The following RBMS3 variants were observed in gnomAD, a reference collection of about 807,000 sequenced individuals.
RBMS3 encodes RNA-binding motif, single-stranded-interacting protein 3.
RBMS3 carries 27 observed loss-of-function variants against 66.8 expected under a neutral mutation model. That is an observed-to-expected ratio of 0.40 (90% confidence interval 0.30 to 0.56). The LOEUF (loss-of-function observed/expected upper bound fraction) is 0.56. RBMS3 is among the 20% of genes least tolerant of loss of function. The pLI, the probability that RBMS3 is intolerant of heterozygous loss-of-function variation, is 0.40. For synonymous variants in RBMS3, 188 were observed against 183.0 expected, an observed-to-expected ratio of 1.03 and a Z score of -0.22; for missense variants, 513 against 549.5, an observed-to-expected ratio of 0.93 and a Z score of 0.66.
At chr3:29,462,641 C>A (rs1444127996) in intron 2 of RBMS3, among the ~76,000 whole-genome samples, 1 of 152,048 alleles carries the variant, frequency 6.6e-6, no homozygotes, top group East Asian at 1.9e-4. Context: ...CTTACTTTAC[C>A]CCTGTTTCTC....
At chr3:29,378,502 A>C (rs986742130) in intron 1 of RBMS3, among the ~76,000 whole-genome samples, 3 of 144,820 alleles carry the variant, frequency 2.1e-5, no homozygotes, top group Non-Finnish European at 4.7e-5. Context: ...AAAAAAACAA[A>C]AAACAACTGT....
chr3:29,565,194 T>G (rs766038977), intron 3 of RBMS3, among the ~76,000 whole-genome samples: 1 of 152,306 alleles, frequency 6.6e-6, no homozygotes, highest in East Asian at 1.9e-4. Context: ...GTTCCAAACG[T>G]TTATCTTGTA....
intron 2 of RBMS3, among the ~76,000 whole-genome samples, chr3:29,472,963 T>C (rs1468120647): frequency 1.9e-5 from 2 of 103,996 alleles, no homozygotes; most frequent in Non-Finnish European, 3.9e-5. Flanking sequence ...GACAGGGCGC[T>C]GATTGGTGTG....
intron 1 of RBMS3, among the ~76,000 whole-genome samples, chr3:29,420,620 C>T (rs2040674960): frequency 6.8e-6 from 1 of 147,996 alleles, no homozygotes; most frequent in Non-Finnish European, 1.5e-5. Flanking sequence ...AGGGCTTTTC[C>T]CTTGTTTTTT....
chr3:29,937,667 T>G (rs1023621009), intron 11 of RBMS3, among the ~76,000 whole-genome samples: 2 of 152,002 alleles, frequency 1.3e-5, no homozygotes, highest in African/African-American at 2.4e-5. Context: ...TCAAATGATC[T>G]CTTAGGTTTC....
At position 29,868,974 on chromosome 3, in the gene RBMS3, G is replaced by A. The variant is rs1342777117; in HGVS notation, c.744+10G>A. 14 of 1,572,470 alleles carry A rather than the reference G, an allele frequency of 8.9e-6. No individual in the cohort carries two copies. The highest frequency in any genetic ancestry group is 1.2e-5 in the Non-Finnish European group (14 of 1,157,872). ...GCCCAGGGAAGGAGAGGTGAGTCCT[G>A]ACTGATAACATTTGCTCTGAAATTT... On this transcript the variant is annotated intron_variant, in intron 7 of 14. Transcript: ENST00000383767.
intron 1 of RBMS3, among the ~76,000 whole-genome samples, chr3:29,292,943 T>C (rs1489117126): frequency 6.6e-6 from 1 of 151,864 alleles, no homozygotes; most frequent in Non-Finnish European, 1.5e-5. Context: ...CATAATTTGA[T>C]GTGGAGGGGT....
intron 3 of RBMS3, among the ~76,000 whole-genome samples, chr3:29,496,760 A>C (rs1047381880): frequency 1.3e-5 from 2 of 152,222 alleles, no homozygotes; most frequent in Non-Finnish European, 2.9e-5. Flanking sequence ...ATGTAAAACA[A>C]AATAGGTATT....
intron 1 of RBMS3, among the ~76,000 whole-genome samples, chr3:29,409,333 C>G (rs2040166963): frequency 2.0e-5 from 1 of 49,498 alleles, no homozygotes; most frequent in South Asian, 1.1e-3. Context: ...TCTACCTGGA[C>G]TCTTTTTTCA....
At chr3:29,705,596 T>A (rs943635398) in intron 4 of RBMS3, among the ~76,000 whole-genome samples, 1 of 152,190 alleles carries the variant, frequency 6.6e-6, no homozygotes, top group African/African-American at 2.4e-5. Context: ...TTATAGTTTA[T>A]TGATTTTACT....
intron 12 of RBMS3, among the ~76,000 whole-genome samples, chr3:29,956,657 T>G (rs1046674024): frequency 2.0e-5 from 3 of 152,148 alleles, no homozygotes; most frequent in East Asian, 3.9e-4. Flanking sequence ...AATTTAAAAG[T>G]ATCTCTTCCA....
At chr3:29,439,501 G>A (rs2041531389) in intron 2 of RBMS3, among the ~76,000 whole-genome samples, 1 of 151,922 alleles carries the variant, frequency 6.6e-6, no homozygotes, top group Non-Finnish European at 1.5e-5. Flanking sequence ...TAAAAAGCAG[G>A]GACATGGGAA....
intron 1 of RBMS3, among the ~76,000 whole-genome samples, chr3:29,425,268 G>A (rs536056181): frequency 1.6e-4 from 24 of 150,426 alleles, no homozygotes; most frequent in African/African-American, 5.4e-4. Flanking sequence ...CAGCTAGTTG[G>A]GAGGCTGAGT....
intron 1 of RBMS3, among the ~76,000 whole-genome samples, chr3:29,292,215 A>T (rs898604069): frequency 6.6e-6 from 1 of 151,770 alleles, no homozygotes; most frequent in Admixed American, 6.6e-5. Context: ...ACAACAACAC[A>T]CACGCACACA....
intron 6 of RBMS3, among the ~76,000 whole-genome samples, chr3:29,768,467 A>G (rs2083488): frequency 0.22 from 32,671 of 151,814 alleles, 3,655 homozygotes; most frequent in Middle Eastern, 0.27. Context: ...TTCATCTTCA[A>G]AAGAATAGAA....
chr3:29,626,354 G>A (rs1218441766), intron 4 of RBMS3, among the ~76,000 whole-genome samples: 1 of 152,108 alleles, frequency 6.6e-6, no homozygotes, highest in African/African-American at 2.4e-5. Context: ...AAAAAGTCAG[G>A]AACATCTGAT....
intron 4 of RBMS3, among the ~76,000 whole-genome samples, chr3:29,672,351 A>G (rs945962964): frequency 8.5e-5 from 13 of 152,234 alleles, no homozygotes; most frequent in African/African-American, 2.9e-4. Context: ...TGTAAAGACC[A>G]TCAATGCTAG....
At chr3:29,506,761 C>T (rs929324432) in intron 3 of RBMS3, among the ~76,000 whole-genome samples, 1 of 151,840 alleles carries the variant, frequency 6.6e-6, no homozygotes, top group Non-Finnish European at 1.5e-5. Context: ...TGTTATTGGT[C>T]TGTTCAGATT....
intron 4 of RBMS3, among the ~76,000 whole-genome samples, chr3:29,682,816 AAG>A (rs1034132259): frequency 1.6e-4 from 24 of 152,164 alleles, no homozygotes; most frequent in African/African-American, 5.3e-4. Flanking sequence ...CAAAGTAGGA[AAG>A]AGAGAGAGAG....
Sources: allele counts gnomAD v4.1 joint callset (sites outside exome capture counted in the v4.1 genomes callset), GRCh38; gene constraint gnomAD v4.1.1; transcripts MANE v1.5; gene names NCBI Gene and HGNC (gene_info 2026-07-23, HGNC 2026-07-21).